Variants in TCTN2 observed in about 807,000 individuals in gnomAD.
TCTN2 encodes tectonic-2.
Under a neutral mutation model 83.4 loss-of-function variants are expected in TCTN2, and 66 were observed. The ratio of observed to expected loss-of-function variants is 0.79; its 90% CI spans 0.65 to 0.97. TCTN2 has a LOEUF of 0.97. Ranked by LOEUF, TCTN2 falls within the 50% of genes least tolerant of loss-of-function variation. TCTN2 has a pLI of 0.00. For synonymous variants in TCTN2, 301 were observed against 326.7 expected, an observed-to-expected ratio of 0.92 and a Z score of 0.85; for missense variants, 794 against 858.1, an observed-to-expected ratio of 0.93 and a Z score of 0.93.
intron 13 of TCTN2, among the ~76,000 whole-genome samples, chr12:123,697,601 G>A (rs1956125462): frequency 6.6e-6 from 1 of 152,090 alleles, no homozygotes; most frequent in Non-Finnish European, 1.5e-5. Flanking sequence ...TCCGGTTCAA[G>A]CAATTCTCCT....
At chr12:123,688,790 T>C (rs950293638) in intron 7 of TCTN2, among the ~76,000 whole-genome samples, 3 of 151,844 alleles carry the variant, frequency 2.0e-5, no homozygotes, top group African/African-American at 4.8e-5. Context: ...AGTTTCGCTG[T>C]TTTTGCCCAG....
intron 4 of TCTN2, among the ~76,000 whole-genome samples, chr12:123,677,525 G>T (rs190508020): frequency 6.0e-4 from 91 of 152,272 alleles, no homozygotes; most frequent in Non-Finnish European, 4.0e-4. Flanking sequence ...ACTGTCACTG[G>T]ATTCTGAGTT....
At chr12:123,680,388 A>AT (rs1204785087) in intron 5 of TCTN2, among the ~76,000 whole-genome samples, 1,856 of 146,776 alleles carry the variant, frequency 0.013, 37 homozygotes, top group African/African-American at 0.042. Context: ...TTTTGAGTAA[A>AT]TTTTTTTTTT....
rs754404947 is a variant in TCTN2, at chr12:123,707,561, A to T, written c.1985-43A>T. ...CCTATACCTACACTGTTATCAAAAG[A>T]GTTAAGAAATACTGCTGTTGAATTT... is the stretch of plus-strand genomic sequence containing the variant. On this transcript the variant is annotated intron_variant, in intron 17 of 17. Coordinates refer to ENST00000303372, the MANE Select transcript of TCTN2 (RefSeq NM_024809.5). The T allele has an allele frequency of 1.9e-6, 3 of 1,556,348 alleles. No individual in the cohort carries two copies. In the Admixed American group the frequency reaches 5.0e-5, roughly 26 times the overall value.
chr12:123,685,905 T>A (rs1030925835), intron 5 of TCTN2, among the ~76,000 whole-genome samples: 2 of 149,876 alleles, frequency 1.3e-5, no homozygotes, highest in African/African-American at 4.9e-5. Context: ...TTTTTTTTTT[T>A]AATTTTGTCG....
intron 1 of TCTN2, 31 bp downstream of exon 1, chr12:123,671,353 G>A: frequency 6.2e-7 from 1 of 1,609,424 alleles, no homozygotes; most frequent in African/African-American, 1.3e-5. Context: ...ACCTCGGTGG[G>A]CCGGGGCTGA....
chr12:123,687,040 G>A lies in TCTN2; in HGVS notation c.764+5G>A. The A allele has an allele frequency of 6.2e-7, 1 of 1,614,156 alleles. No individual in the cohort carries two copies. On this transcript the variant is annotated splice_donor_5th_base_variant and intron_variant, in intron 6 of 17. Coordinates refer to ENST00000303372, the MANE Select transcript of TCTN2 (RefSeq NM_024809.5). ...TTACTTCTATCATGGTGCTGTGTAA[G>A]TGTCTGAGCAGCCGCCTGGGATGGG...
At chr12:123,685,139 G>T (rs1212839512) in intron 5 of TCTN2, among the ~76,000 whole-genome samples, 2 of 151,772 alleles carry the variant, frequency 1.3e-5, no homozygotes, top group Non-Finnish European at 2.9e-5. Flanking sequence ...CTTCCTTCCA[G>T]GCCACGCTGT....
At chr12:123,698,249 T>G (rs1956133367) in intron 13 of TCTN2, among the ~76,000 whole-genome samples, 1 of 151,768 alleles carries the variant, frequency 6.6e-6, no homozygotes, top group Non-Finnish European at 1.5e-5. Flanking sequence ...TCCATGTTAG[T>G]CAGGCTGGTC....
At chr12:123,690,509 G>A in intron 7 of TCTN2, 24 bp from the exon 8 acceptor site, 1 of 1,614,158 alleles carries the variant, frequency 6.2e-7, no homozygotes, top group Non-Finnish European at 8.5e-7. Flanking sequence ...CCATAAATCT[G>A]TTGGCTTTGC....
At position 123,699,822 on chromosome 12, in the gene TCTN2, C is replaced by T. The variant is rs117614122; in HGVS notation, c.1612+12C>T. On this transcript the variant is annotated intron_variant, in intron 14 of 17. Transcript: ENST00000303372. ...GCTCGAAATAATACGTAAGTCAAAC[C>T]CGGGTACAATAAAGCCTGTAACTTG... 0.018 allele frequency: 28,378 copies of T among 1,608,546 alleles called. 307 individuals carry two copies. The highest frequency in any genetic ancestry group is 0.021 in the Non-Finnish European group (24,462 of 1,175,048).
chr12:123,685,589 T>G (rs1207875502), intron 5 of TCTN2, among the ~76,000 whole-genome samples: 1 of 151,968 alleles, frequency 6.6e-6, no homozygotes. Flanking sequence ...TGGCTAATTT[T>G]TTTATTTTTA....
chr12:123,684,238 G>A (rs894104101), intron 5 of TCTN2, among the ~76,000 whole-genome samples: 1 of 151,914 alleles, frequency 6.6e-6, no homozygotes, highest in African/African-American at 2.4e-5. Flanking sequence ...ACCTCCAAAG[G>A]TTTCCTTTGG....
At chr12:123,693,412 C>A (rs1593855434) in intron 9 of TCTN2, among the ~76,000 whole-genome samples, 1 of 99,166 alleles carries the variant, frequency 1.0e-5, no homozygotes, top group East Asian at 2.6e-4. Flanking sequence ...ATTAAACTTT[C>A]CAATTGTGAT....
rs760206821 is a variant in TCTN2, at chr12:123,699,777, G to T, written c.1579G>T (p.Ala527Ser). ...HVAMRGNSDY[A>S]DLSDGWLEII... ...TGCAATGAGAGGCAACTCCGATTAC[G>T]CTGATCTTAGTGATGGCTGGCTCGA... Residue 527 changes from alanine (A) to serine (S), a missense_variant, in exon 14 of 18, where the codon GCT (alanine) becomes TCT (serine). Coordinates refer to ENST00000303372, the MANE Select transcript of TCTN2 (RefSeq NM_024809.5). 5.0e-6 allele frequency: 8 copies of T among 1,613,994 alleles called. No individual in the cohort carries two copies. Among genetic ancestry groups the T allele is most frequent in the Non-Finnish European group, 6.8e-6 (8 of 1,180,010 alleles).
At chr12:123,704,469 C>A in intron 14 of TCTN2, 63 bp from the exon 15 acceptor site, 1 of 1,532,000 alleles carries the variant, frequency 6.5e-7, no homozygotes, top group Non-Finnish European at 8.8e-7. Context: ...TTGGTTATTA[C>A]GACATTGTAG....
At chr12:123,695,915 C>T in intron 11 of TCTN2, 1 of 168,656 alleles carries the variant, frequency 5.9e-6, no homozygotes, top group South Asian at 1.5e-4. Flanking sequence ...ACGATTTGGG[C>T]TCACTGCAAC....
At chr12:123,678,488 A>G (rs957990111) in intron 4 of TCTN2, among the ~76,000 whole-genome samples, 3 of 152,130 alleles carry the variant, frequency 2.0e-5, no homozygotes, top group African/African-American at 4.8e-5. Context: ...GGGTTTCACT[A>G]TGTTGGCCAG....
intron 15 of TCTN2, 45 bp downstream of exon 15, chr12:123,704,733 A>C (rs1334650702): frequency 1.2e-6 from 2 of 1,602,362 alleles, no homozygotes; most frequent in African/African-American, 1.3e-5. Context: ...AGAGTCAGGA[A>C]AGTTGAGAGC....
Sources: allele counts gnomAD v4.1 joint callset (sites outside exome capture counted in the v4.1 genomes callset), GRCh38; gene constraint gnomAD v4.1.1; transcripts MANE v1.5; gene names NCBI Gene and HGNC (gene_info 2026-07-23, HGNC 2026-07-21).